FMN2: variants seen among roughly 807,000 people sequenced by gnomAD.
FMN2 encodes the protein formin-2.
Under a neutral mutation model 142.3 loss-of-function variants are expected in FMN2, and 51 were observed. The observed-to-expected ratio is 0.36, with a 90% CI of 0.29 to 0.45. The LOEUF (loss-of-function observed/expected upper bound fraction) is 0.45. FMN2 is among the 20% of genes least tolerant of loss of function. The probability of loss-of-function intolerance (pLI) is 1.00; values close to 1 mark genes in which losing one functional copy is unlikely to be tolerated. For synonymous variants in FMN2, 882 were observed against 869.8 expected (o/e 1.01, Z -0.25); for missense variants, 1,936 against 2,122.8 (o/e 0.91, Z 1.73).
intron 2 of FMN2, among the ~76,000 whole-genome samples, chr1:240,135,494 G>A (rs1478624580): frequency 1.3e-5 from 2 of 151,856 alleles, no homozygotes; most frequent in Non-Finnish European, 2.9e-5. Flanking sequence ...CTTGTTATAT[G>A]GTTTGAAAAA....
chr1:240,184,382 G>A (rs1447391618), intron 3 of FMN2, among the ~76,000 whole-genome samples: 3 of 151,370 alleles, frequency 2.0e-5, no homozygotes, highest in Non-Finnish European at 2.9e-5. Flanking sequence ...GACTGCAGGT[G>A]CCCACCACCA....
chr1:240,356,415 C>T (rs1359416913), intron 14 of FMN2, among the ~76,000 whole-genome samples: 1 of 151,980 alleles, frequency 6.6e-6, no homozygotes, highest in African/African-American at 2.4e-5. Flanking sequence ...ATATTCAACA[C>T]CTGTCTTCCA....
chr1:240,200,158 C>T (rs558827073), intron 4 of FMN2, among the ~76,000 whole-genome samples: 4 of 152,114 alleles, frequency 2.6e-5, no homozygotes, highest in Non-Finnish European at 4.4e-5. Context: ...GACAACAGAG[C>T]GCCTGGCAGT....
At chr1:240,187,199 G>A (rs1205997915) in intron 3 of FMN2, among the ~76,000 whole-genome samples, 1 of 149,296 alleles carries the variant, frequency 6.7e-6, no homozygotes, top group Non-Finnish European at 1.5e-5. Context: ...GAACCCAGGA[G>A]GCGGAGGTTG....
At chr1:240,205,226 A>T (rs142808012) in intron 4 of FMN2, among the ~76,000 whole-genome samples, 2,116 of 152,214 alleles carry the variant, frequency 0.014, 33 homozygotes, top group South Asian at 0.069. Flanking sequence ...ATAGTTCTCA[A>T]CACAAGAAGT....
intron 2 of FMN2, among the ~76,000 whole-genome samples, chr1:240,175,050 A>G (rs1248982336): frequency 6.6e-6 from 1 of 152,186 alleles, no homozygotes; most frequent in African/African-American, 2.4e-5. Flanking sequence ...TGACAATGTT[A>G]TGTACCTCAT....
chr1:240,227,200 T>C (rs896332547), intron 6 of FMN2, among the ~76,000 whole-genome samples: 1 of 152,172 alleles, frequency 6.6e-6, no homozygotes, highest in Admixed American at 6.5e-5. Flanking sequence ...ACAACTCCCT[T>C]TGCAGTATTA....
intron 15 of FMN2, among the ~76,000 whole-genome samples, chr1:240,418,449 C>T (rs1296718209): frequency 6.6e-6 from 1 of 152,124 alleles, no homozygotes; most frequent in Non-Finnish European, 1.5e-5. Context: ...CTCACCTCAG[C>T]CTCCCAAAGT....
At chr1:240,111,752 C>G (rs759045291) in intron 1 of FMN2, among the ~76,000 whole-genome samples, 5 of 152,156 alleles carry the variant, frequency 3.3e-5, no homozygotes, top group Non-Finnish European at 5.9e-5. Context: ...CAGTAGGTCT[C>G]GGTCTCATTT....
chr1:240,379,543 G>T (rs1187544689), intron 14 of FMN2, among the ~76,000 whole-genome samples: 1 of 151,860 alleles, frequency 6.6e-6, no homozygotes, highest in African/African-American at 2.4e-5. Context: ...AAAACTGGTT[G>T]GCTTATTTGG....
At chr1:240,286,614 A>G (rs1412434968) in intron 7 of FMN2, among the ~76,000 whole-genome samples, 8 of 152,152 alleles carry the variant, frequency 5.3e-5, no homozygotes, top group Admixed American at 2.0e-4. Context: ...TCCAGTCCTT[A>G]TGGGTTTACT....
chr1:240,425,660 CCTT>C (rs1260963058), intron 15 of FMN2, among the ~76,000 whole-genome samples: 2 of 152,190 alleles, frequency 1.3e-5, no homozygotes, highest in Non-Finnish European at 2.9e-5. Context: ...AAGGGTTTCT[CCTT>C]CTTGAAGCAT....
At chr1:240,295,294 A>G (rs1343851884) in intron 8 of FMN2, among the ~76,000 whole-genome samples, 1 of 152,120 alleles carries the variant, frequency 6.6e-6, no homozygotes, top group African/African-American at 2.4e-5. Context: ...AGGTGTATGT[A>G]TTGAACATAT....
chr1:240,429,457 C>A (rs1238491446), intron 15 of FMN2, among the ~76,000 whole-genome samples: 1 of 152,036 alleles, frequency 6.6e-6, no homozygotes, highest in African/African-American at 2.4e-5. Flanking sequence ...TTTCTTCCTC[C>A]TTTCTTGGTT....
At chr1:240,344,644 A>G (rs1324734822) in intron 13 of FMN2, among the ~76,000 whole-genome samples, 1 of 152,192 alleles carries the variant, frequency 6.6e-6, no homozygotes, top group African/African-American at 2.4e-5. Flanking sequence ...CAAATCATTC[A>G]AGTCATTAGT....
intron 2 of FMN2, among the ~76,000 whole-genome samples, chr1:240,165,199 A>C (rs1461839977): frequency 6.6e-6 from 1 of 152,150 alleles, no homozygotes; most frequent in African/African-American, 2.4e-5. Context: ...AATTTAAATC[A>C]GGGTCTCATG....
At chr1:240,254,814 A>G (rs1668397342) in intron 6 of FMN2, among the ~76,000 whole-genome samples, 1 of 152,174 alleles carries the variant, frequency 6.6e-6, no homozygotes, top group African/African-American at 2.4e-5. Context: ...CGGTTGGAGG[A>G]TATCAGGGGA....
chr1:240,245,450 G>A (rs1668044320), intron 6 of FMN2: 1 of 462,782 alleles, frequency 2.2e-6, no homozygotes, highest in Admixed American at 2.4e-5. Flanking sequence ...ATGTGTGGCT[G>A]GATACCAGAA....
chr1:240,240,631 C>T (rs1667865918), intron 6 of FMN2, among the ~76,000 whole-genome samples: 1 of 152,122 alleles, frequency 6.6e-6, no homozygotes, highest in Non-Finnish European at 1.5e-5. Flanking sequence ...AGATATGGTA[C>T]TCACAATGTA....
Sources: gnomAD v4.1 joint callset for allele counts (sites outside exome capture counted in the v4.1 genomes callset) on GRCh38, gnomAD v4.1.1 for gene constraint, MANE v1.5 for transcripts, NCBI Gene and HGNC (gene_info 2026-07-23, HGNC 2026-07-21) for gene names.